The following BICC1 variants were observed in gnomAD, a reference collection of about 807,000 sequenced individuals.
BICC1 encodes BicC family RNA binding protein 1.
A neutral mutation model predicts 111.0 loss-of-function variants in BICC1; 43 were observed. The observed-to-expected ratio is 0.39, with a 90% CI of 0.30 to 0.50. The LOEUF (loss-of-function observed/expected upper bound fraction) is 0.50, where lower values mean the gene tolerates loss of function less well. Among genes scored for constraint, BICC1 ranks in the 20% least tolerant of loss-of-function variants. The probability of loss-of-function intolerance (pLI) is 0.88; values close to 1 mark genes in which losing one functional copy is unlikely to be tolerated. For missense variants in BICC1, 1,091 were observed against 1,203.2 expected, an observed-to-expected ratio of 0.91 and a Z score of 1.38; for synonymous variants, 467 against 434.4, an observed-to-expected ratio of 1.07 and a Z score of -0.93.
chr10:58,640,365 G>T (rs1261117223), intron 2 of BICC1, among the ~76,000 whole-genome samples: 1 of 152,148 alleles, frequency 6.6e-6, no homozygotes, highest in Non-Finnish European at 1.5e-5. Flanking sequence ...AACAGGTAGG[G>T]CTGTCATGAA....
chr10:58,546,331 G>C (rs1380131574), intron 1 of BICC1, among the ~76,000 whole-genome samples: 1 of 152,174 alleles, frequency 6.6e-6, no homozygotes, highest in African/African-American at 2.4e-5. Context: ...GGCTGCCTGT[G>C]TTGTATTACA....
chr10:58,793,175 C>T (rs887465749), intron 8 of BICC1, among the ~76,000 whole-genome samples: 1 of 152,120 alleles, frequency 6.6e-6, no homozygotes, highest in Non-Finnish European at 1.5e-5. Context: ...TAGTTTCTAG[C>T]ATAACTTAAC....
At chr10:58,652,322 G>C (rs1165054459) in intron 2 of BICC1, among the ~76,000 whole-genome samples, 2 of 152,136 alleles carry the variant, frequency 1.3e-5, no homozygotes, top group African/African-American at 4.8e-5. Context: ...CTTAGCGGTA[G>C]CCAAATTAAT....
intron 1 of BICC1, among the ~76,000 whole-genome samples, chr10:58,612,582 A>G (rs1845464514): frequency 7.2e-6 from 1 of 139,176 alleles, no homozygotes; most frequent in Non-Finnish European, 1.5e-5. Flanking sequence ...CTTAGTTGCA[A>G]ATGTGTTGAG....
At chr10:58,787,521 CTAGTT>C (rs1843046577) in intron 5 of BICC1, among the ~76,000 whole-genome samples, 1 of 152,168 alleles carries the variant, frequency 6.6e-6, no homozygotes. Flanking sequence ...ATGTCTCTCT[CTAGTT>C]TATACACATT....
chr10:58,613,399 T>C (rs1394918221), intron 1 of BICC1, among the ~76,000 whole-genome samples: 2 of 152,182 alleles, frequency 1.3e-5, no homozygotes, highest in East Asian at 3.8e-4. Flanking sequence ...TTGCAAAGAC[T>C]CAATAGAAGT....
chr10:58,644,365 C>T (rs530433022), intron 2 of BICC1, among the ~76,000 whole-genome samples: 4 of 152,240 alleles, frequency 2.6e-5, no homozygotes, highest in East Asian at 1.9e-4. Context: ...TGCCTGGCCC[C>T]GATTCTTCTA....
chr10:58,573,059 T>C (rs1191916402), intron 1 of BICC1, among the ~76,000 whole-genome samples: 1 of 152,162 alleles, frequency 6.6e-6, no homozygotes, highest in African/African-American at 2.4e-5. Flanking sequence ...TCAAACAAAA[T>C]GATGACACAA....
Position 58,789,293 on chromosome 10 carries a change from T to C in BICC1, c.632T>C (p.Leu211Pro). Residue 211 changes from leucine to proline, a missense_variant, in exon 7 of 21, where the codon CTA becomes CCA. This residue lies in a region of BICC1 where 843 missense variants were observed against 900.8 expected (regional missense o/e 0.94). Transcript: ENST00000373886. ...ELLPLVLMFELPIAGILQPVP... is the reference protein window; with the variant it reads ...ELLPLVLMFEPPIAGILQPVP... ...CTTCCTTTGGTGCTGATGTTTGAGCTACCAATTGCTGGAATTCTTCAACCG... is the reference window on the plus strand; with the variant it reads ...CTTCCTTTGGTGCTGATGTTTGAGCCACCAATTGCTGGAATTCTTCAACCG... 1.9e-6 allele frequency: 3 copies of C among 1,614,026 alleles called. No homozygotes were observed. The highest frequency in any genetic ancestry group is 2.5e-6 in the Non-Finnish European group (3 of 1,179,946).
chr10:58,768,867 C>T (rs1028782468), intron 3 of BICC1, among the ~76,000 whole-genome samples: 1 of 151,714 alleles, frequency 6.6e-6, no homozygotes, highest in Non-Finnish European at 1.5e-5. Context: ...AGGAACATAC[C>T]AAGAGAGGTA....
chr10:58,631,632 C>T (rs1007697311), intron 2 of BICC1, among the ~76,000 whole-genome samples: 4 of 151,966 alleles, frequency 2.6e-5, no homozygotes, highest in East Asian at 1.9e-4. Flanking sequence ...GGCAAAGTAC[C>T]GATAAGTAGG....
rs182439416 is a variant in BICC1, at chr10:58,791,360, A to T, written c.1047+1427A>T. 2.6e-5 allele frequency among the ~76,000 whole-genome samples: 4 copies of T among 152,358 alleles called. No individual in the cohort carries two copies. In the East Asian group the frequency reaches 5.8e-4, roughly 22 times the overall value. ...ATAATGACTCATATTATTGCACAAC[A>T]TTGAAATAACTGAAGGAGAAATTAA... On this transcript the variant is annotated intron_variant, in intron 8 of 20. Transcript: ENST00000373886.
At chr10:58,663,949 A>G (rs1006046584) in intron 2 of BICC1, among the ~76,000 whole-genome samples, 1 of 152,098 alleles carries the variant, frequency 6.6e-6, no homozygotes, top group Non-Finnish European at 1.5e-5. Context: ...ATATCACATT[A>G]AAAACATTCA....
rs959424645 is a variant in BICC1 at position 58,802,946 on chromosome 10, G to A, written c.2016-131G>A. On this transcript the variant is annotated intron_variant, in intron 14 of 20. Transcript: ENST00000373886. ...AGTACCTGTGTCATAGCATTGTTGT[G>A]AGGATTAAATGAGAGACTACGTGTA... The A allele has an allele frequency of 4.5e-6, 4 of 879,440 alleles. No individual in the cohort carries two copies. In the South Asian group the frequency reaches 1.2e-4, roughly 26 times the overall value. The allele number at this position is 879,440 out of a possible 1,614,324, so 54.5% of individuals were successfully genotyped here.
rs1008934238 is a variant in BICC1 at position 58,830,503 on chromosome 10, T to G, written c.*1612T>G. On this transcript the variant is annotated 3_prime_UTR_variant, in exon 21 of 21. Transcript: ENST00000373886. ...AAGCATATACAAGAATTGGGTACTT[T>G]TATACAAATATGGGATAAGAAATAC... The G allele has an allele frequency of 6.6e-6, 1 of 152,180 alleles. No individual in the cohort carries two copies. The highest frequency in any genetic ancestry group is 2.4e-5 in the African/African-American group (1 of 41,456). The allele number at this position is 152,180 out of a possible 1,614,324, so 9.4% of individuals were successfully genotyped here. A position where few individuals can be genotyped will look rare whatever the true frequency, so the allele number is the denominator to read the frequency against.
Position 58,792,155 on chromosome 10 carries a change from C to G in BICC1, c.1048-1329C>G, listed in dbSNP as rs150122854. 7.5e-4 allele frequency among the ~76,000 whole-genome samples: 114 copies of G among 152,098 alleles called. 1 individual carries two copies. Among genetic ancestry groups the G allele is most frequent in the African/African-American group, 2.6e-3 (109 of 41,474 alleles). On this transcript the variant is annotated intron_variant, in intron 8 of 20. Transcript: ENST00000373886. ...CTCTCCTGATATCCATTTACAAATT[C>G]CAGCACCCAGTGGGCTAACACTGGA...
At chr10:58,560,999 T>C (rs528183065) in intron 1 of BICC1, among the ~76,000 whole-genome samples, 18 of 152,180 alleles carry the variant, frequency 1.2e-4, no homozygotes, top group Middle Eastern at 6.8e-3. Flanking sequence ...AGAATGTGTA[T>C]ACAGTAGCTG....
chr10:58,711,304 G>A (rs550580995), intron 3 of BICC1, among the ~76,000 whole-genome samples: 1 of 152,204 alleles, frequency 6.6e-6, no homozygotes, highest in Admixed American at 6.5e-5. Context: ...GTCTAAATAG[G>A]ACCACTCAGA....
In BICC1 at chr10:58,798,459, A is replaced by G. The variant is rs1451667505; in HGVS notation, c.1427A>G (p.Asn476Ser). ...TCAACAACCCCAAACTCACTCTTGA[A>G]TGCTCTTAATAGCTCAGTCAGTCCT... The part of the protein sequence containing the change: ...NTSTTPNSLL[N>S]ALNSSVSPLQ... Residue 476 changes from asparagine (N) to serine (S), a missense_variant, in exon 11 of 21, where the codon AAT becomes AGT. Physicochemically the swap from Asn to Ser is conservative, Grantham distance 46. Coordinates refer to ENST00000373886, the MANE Select transcript of BICC1 (RefSeq NM_001080512.3). The G allele has an allele frequency of 6.2e-7, 1 of 1,613,294 alleles. No homozygotes were observed. Among genetic ancestry groups the G allele is most frequent in the Non-Finnish European group, 8.5e-7 (1 of 1,179,614 alleles).
Sources: allele counts gnomAD v4.1 joint callset (sites outside exome capture counted in the v4.1 genomes callset), GRCh38; gene constraint gnomAD v4.1.1; regional missense constraint gnomAD v4.1.1; transcripts MANE v1.5; gene names NCBI Gene and HGNC (gene_info 2026-07-23, HGNC 2026-07-21).